MAP4K5: variants seen among roughly 807,000 people sequenced by gnomAD.
The protein encoded by MAP4K5 is MAPK/ERK kinase kinase kinase 5.
MAP4K5 carries 82 observed loss-of-function variants against 135.6 expected under a neutral mutation model. That is an observed-to-expected ratio of 0.60 (90% confidence interval 0.51 to 0.73). The LOEUF (loss-of-function observed/expected upper bound fraction) is 0.73, where lower values mean the gene tolerates loss of function less well. Among genes scored for constraint, MAP4K5 ranks in the 30% least tolerant of loss-of-function variants. The pLI is 0.00. For missense variants in MAP4K5, 907 were observed against 1,010.9 expected, an observed-to-expected ratio of 0.90 and a Z score of 1.39; for synonymous variants, 347 against 335.0, an observed-to-expected ratio of 1.04 and a Z score of -0.39.
At chr14:50,475,218 T>C in intron 8 of MAP4K5, 69 bp from the exon 9 acceptor site, 1 of 1,139,186 alleles carries the variant, frequency 8.8e-7, no homozygotes, top group Non-Finnish European at 1.3e-6. Flanking sequence ...ACTTTCGCCC[T>C]TAGGCATGGC....
At chr14:50,511,346 C>G (rs2140047475) in intron 2 of MAP4K5, among the ~76,000 whole-genome samples, 1 of 151,834 alleles carries the variant, frequency 6.6e-6, no homozygotes, top group South Asian at 2.1e-4. Context: ...CATGTGGAAG[C>G]TAAAAAAAGT....
intron 6 of MAP4K5, among the ~76,000 whole-genome samples, chr14:50,479,195 T>TC (rs2037179866): frequency 6.6e-6 from 1 of 151,414 alleles, no homozygotes; most frequent in Non-Finnish European, 1.5e-5. Context: ...TCTTTTTTTT[T>TC]TTCTCATTTT....
At chr14:50,427,028 C>T (rs1398181144) in intron 30 of MAP4K5, among the ~76,000 whole-genome samples, 1 of 152,130 alleles carries the variant, frequency 6.6e-6, no homozygotes, top group African/African-American at 2.4e-5. Flanking sequence ...ACATGTGTTT[C>T]ACTAACTGTG....
intron 23 of MAP4K5, chr14:50,438,496 A>C (rs1212759908): frequency 6.4e-6 from 1 of 155,430 alleles, no homozygotes; most frequent in Admixed American, 6.5e-5. Context: ...AAATACTTAA[A>C]AAAGTAAAAC....
At chr14:50,550,918 A>T (rs1236293930) in intron 1 of MAP4K5, among the ~76,000 whole-genome samples, 2 of 152,230 alleles carry the variant, frequency 1.3e-5, no homozygotes, top group East Asian at 3.8e-4. Flanking sequence ...GGAAGGTCAT[A>T]GCATTAAATG....
intron 1 of MAP4K5, among the ~76,000 whole-genome samples, chr14:50,551,784 C>T (rs546894882): frequency 6.6e-6 from 1 of 152,148 alleles, no homozygotes; most frequent in South Asian, 2.1e-4. Context: ...TCAGTAGGCA[C>T]AGGAAAAGCA....
chr14:50,509,649 A>G (rs531177939), intron 2 of MAP4K5, among the ~76,000 whole-genome samples: 5 of 151,644 alleles, frequency 3.3e-5, no homozygotes, highest in Non-Finnish European at 7.4e-5. Context: ...TAATATGTTT[A>G]AAATCCATCT....
chr14:50,421,537 C>T (rs2035732574), intron 32 of MAP4K5, among the ~76,000 whole-genome samples: 1 of 151,890 alleles, frequency 6.6e-6, no homozygotes, highest in South Asian at 2.1e-4. Flanking sequence ...TCTGGGATTA[C>T]AGGCATGAGT....
intron 1 of MAP4K5, chr14:50,560,924 G>A (rs2038835662): frequency 1.3e-5 from 2 of 153,208 alleles, no homozygotes; most frequent in Non-Finnish European, 2.9e-5. Context: ...TTGGGGGTTG[G>A]GTGGGGGAAT....
intron 31 of MAP4K5, among the ~76,000 whole-genome samples, chr14:50,423,870 G>A (rs2035787159): frequency 6.6e-6 from 1 of 152,144 alleles, no homozygotes; most frequent in Non-Finnish European, 1.5e-5. Context: ...AACCAACATG[G>A]GATAGCAGTT....
intron 21 of MAP4K5, among the ~76,000 whole-genome samples, chr14:50,441,241 G>A (rs1039723937): frequency 1.3e-5 from 2 of 152,048 alleles, no homozygotes; most frequent in Non-Finnish European, 2.9e-5. Context: ...TAATCTCAGT[G>A]CATCTCCATA....
At chr14:50,546,675 G>A (rs969294378) in intron 1 of MAP4K5, among the ~76,000 whole-genome samples, 7 of 152,120 alleles carry the variant, frequency 4.6e-5, no homozygotes, top group African/African-American at 1.7e-4. Context: ...ATTTTAAGAT[G>A]TCAGAGTTTG....
At position 50,434,575 on chromosome 14, in the gene MAP4K5, C is replaced by T; in HGVS notation, c.1987-4G>A. 2 of 1,565,752 alleles carry T rather than the reference C, an allele frequency of 1.3e-6. 1 individual carries two copies. The highest frequency in any genetic ancestry group is 2.4e-5 in the South Asian group (2 of 84,572). ...TTGGCAAAGGAAAATCAAAGTGCTG[C>T]AAAAAAAATAAACAATAGAGCCATA... On this transcript the variant is annotated splice_polypyrimidine_tract_variant and splice_region_variant and intron_variant, in intron 27 of 32. Transcript: ENST00000682126.
intron 2 of MAP4K5, among the ~76,000 whole-genome samples, chr14:50,539,382 G>A (rs1320456241): frequency 2.6e-5 from 4 of 152,196 alleles, no homozygotes; most frequent in Admixed American, 2.0e-4. Flanking sequence ...ATAGCTTTGG[G>A]TTCCAAATAC....
intron 27 of MAP4K5, 78 bp from the exon 28 acceptor site, chr14:50,434,649 G>T: frequency 7.9e-7 from 1 of 1,259,094 alleles, no homozygotes. Context: ...AAAGTCAACA[G>T]AAAGACTCCT....
At position 50,445,159 on chromosome 14, in the gene MAP4K5, C is replaced by A. The variant is rs565017865; in HGVS notation, c.1221G>T (p.Pro407=). The change falls in exon 18 of 33, where the codon CCG becomes CCT. Residue 407 remains proline, a synonymous_variant. Transcript: ENST00000682126. The stretch of plus-strand genomic sequence containing the variant: ...TTATGGTTGATGCTTTTTCTTCATC[C>A]GGAAAGTTGTCTTCAGGGTAACTGC... ...RISSYPEDNF[P]DEEKASTIKH... The A allele has an allele frequency of 6.2e-7, 1 of 1,613,260 alleles. No homozygotes were observed. The highest frequency in any genetic ancestry group is 8.5e-7 in the Non-Finnish European group (1 of 1,179,608).
chr14:50,449,063 A>C (rs1011982365), intron 14 of MAP4K5: 4 of 447,582 alleles, frequency 8.9e-6, no homozygotes, highest in Non-Finnish European at 1.6e-5. Flanking sequence ...TGGAATCAGG[A>C]AATTAAACAG....
intron 3 of MAP4K5, among the ~76,000 whole-genome samples, chr14:50,488,727 T>C (rs987646504): frequency 1.3e-5 from 2 of 152,126 alleles, no homozygotes; most frequent in African/African-American, 4.8e-5. Context: ...TGAGAGTGAG[T>C]GACAACTTTT....
At chr14:50,487,488 T>A (rs569630200) in intron 3 of MAP4K5, among the ~76,000 whole-genome samples, 1 of 152,296 alleles carries the variant, frequency 6.6e-6, no homozygotes, top group South Asian at 2.1e-4. Flanking sequence ...GAGGGTACAA[T>A]CTTCTAACTG....
Sources: gnomAD v4.1 joint callset for allele counts (sites outside exome capture counted in the v4.1 genomes callset) on GRCh38, gnomAD v4.1.1 for gene constraint, MANE v1.5 for transcripts, NCBI Gene and HGNC (gene_info 2026-07-23, HGNC 2026-07-21) for gene names.